The following SERGEF variants were observed in gnomAD, a reference collection of about 807,000 sequenced individuals.
SERGEF encodes secretion-regulating guanine nucleotide exchange factor.
Under a neutral mutation model 50.0 loss-of-function variants are expected in SERGEF, and 51 were observed. That is an observed-to-expected ratio of 1.02 (90% confidence interval 0.81 to 1.29). The LOEUF (loss-of-function observed/expected upper bound fraction) is 1.29. SERGEF is among the 50% of genes most tolerant of loss of function. The pLI is 0.00. For missense variants in SERGEF, 521 were observed against 557.0 expected (o/e 0.94, Z 0.65); for synonymous variants, 205 against 212.4 (o/e 0.97, Z 0.30).
At chr11:17,967,792 C>T (rs185644348) in intron 8 of SERGEF, among the ~76,000 whole-genome samples, 26 of 152,328 alleles carry the variant, frequency 1.7e-4, no homozygotes, top group Non-Finnish European at 2.8e-4. Context: ...AAAGCATATT[C>T]ATATTCCTCC....
intron 1 of SERGEF, chr11:18,012,374 C>T (rs895409283): frequency 1.4e-5 from 7 of 502,696 alleles, no homozygotes; most frequent in Non-Finnish European, 1.8e-5. Flanking sequence ...GACCCTGTCT[C>T]TCCCAATGCT....
chr11:17,904,742 T>C (rs1851807600), intron 9 of SERGEF, among the ~76,000 whole-genome samples: 1 of 152,304 alleles, frequency 6.6e-6, no homozygotes, highest in East Asian at 1.9e-4. Flanking sequence ...CAAACAGATA[T>C]AACCTTCCAA....
intron 9 of SERGEF, among the ~76,000 whole-genome samples, chr11:17,924,664 T>G (rs1852217944): frequency 9.5e-6 from 1 of 105,510 alleles, no homozygotes; most frequent in Non-Finnish European, 1.8e-5. Context: ...GGGGGTGATT[T>G]GGGTTGAGAA....
At chr11:17,917,969 G>C (rs1299997494) in intron 9 of SERGEF, among the ~76,000 whole-genome samples, 1 of 152,182 alleles carries the variant, frequency 6.6e-6, no homozygotes, top group Non-Finnish European at 1.5e-5. Context: ...GTACTTACTA[G>C]GCACTGTCCT....
intron 9 of SERGEF, among the ~76,000 whole-genome samples, chr11:17,883,493 C>T (rs549485649): frequency 6.6e-6 from 1 of 152,316 alleles, no homozygotes; most frequent in South Asian, 2.1e-4. Context: ...TAGACTTACA[C>T]AAAACCTAAG....
At chr11:17,816,854 G>T (rs1221706186) in intron 10 of SERGEF, among the ~76,000 whole-genome samples, 1 of 152,146 alleles carries the variant, frequency 6.6e-6, no homozygotes, top group African/African-American at 2.4e-5. Context: ...CAGGTAATGG[G>T]GCTGGAATGT....
intron 9 of SERGEF, among the ~76,000 whole-genome samples, chr11:17,924,770 C>T (rs2133942327): frequency 6.6e-6 from 1 of 152,266 alleles, no homozygotes; most frequent in Middle Eastern, 3.4e-3. Flanking sequence ...TTGCAACTGG[C>T]CCTTGGCATT....
At chr11:17,809,829 G>A (rs1849834991) in intron 10 of SERGEF, among the ~76,000 whole-genome samples, 1 of 152,194 alleles carries the variant, frequency 6.6e-6, no homozygotes, top group African/African-American at 2.4e-5. Context: ...TTGATTCACA[G>A]TCCTGGTAGA....
At chr11:17,980,759 TTTTA>T (rs1250341564) in intron 8 of SERGEF, among the ~76,000 whole-genome samples, 3 of 152,226 alleles carry the variant, frequency 2.0e-5, no homozygotes, top group Non-Finnish European at 2.9e-5. Context: ...CTCTCTTCAA[TTTTA>T]TTTGTTTCCA....
At chr11:18,008,720 C>A (rs564833372) in intron 1 of SERGEF, among the ~76,000 whole-genome samples, 2 of 151,656 alleles carry the variant, frequency 1.3e-5, no homozygotes, top group African/African-American at 4.8e-5. Flanking sequence ...TTCTGGGCTA[C>A]GAGTCGTTGG....
intron 10 of SERGEF, among the ~76,000 whole-genome samples, chr11:17,874,604 C>T (rs907459742): frequency 2.6e-5 from 4 of 152,178 alleles, no homozygotes; most frequent in Non-Finnish European, 5.9e-5. Flanking sequence ...GTAAAATTTC[C>T]ATCTTCTCAA....
chr11:17,848,663 A>G (rs1850658761), intron 10 of SERGEF, among the ~76,000 whole-genome samples: 1 of 152,222 alleles, frequency 6.6e-6, no homozygotes, highest in Non-Finnish European at 1.5e-5. Flanking sequence ...TTTATCCATT[A>G]CCAAATGTTA....
At chr11:17,909,955 G>A (rs1851918023) in intron 9 of SERGEF, among the ~76,000 whole-genome samples, 2 of 152,138 alleles carry the variant, frequency 1.3e-5, no homozygotes, top group Non-Finnish European at 2.9e-5. Flanking sequence ...TGAGCCAGAT[G>A]CTTCACATTT....
At chr11:17,799,301 A>G (rs11024405) in intron 10 of SERGEF, among the ~76,000 whole-genome samples, 32,247 of 151,986 alleles carry the variant, frequency 0.21, 3,758 homozygotes, top group African/African-American at 0.28. Context: ...GGCCAAGTCC[A>G]CTTCCCCTTG....
chr11:17,994,475 C>CAAAA (rs58280362), intron 6 of SERGEF, among the ~76,000 whole-genome samples: 26 of 63,638 alleles, frequency 4.1e-4, no homozygotes, highest in East Asian at 2.1e-3. Context: ...GACTCTGTCT[C>CAAAA]AAAAAAAAAA....
At chr11:17,863,459 T>A (rs1330762065) in intron 10 of SERGEF, 1 of 152,216 alleles carries the variant, frequency 6.6e-6, no homozygotes, top group African/African-American at 2.4e-5. Context: ...TAGAGCCTTC[T>A]TTCCCTTTGC....
intron 3 of SERGEF, among the ~76,000 whole-genome samples, chr11:18,006,054 G>A (rs1263132446): frequency 6.6e-6 from 1 of 152,210 alleles, no homozygotes; most frequent in Non-Finnish European, 1.5e-5. Flanking sequence ...TCTGACAAAA[G>A]TTTTCCACCC....
chr11:17,926,875 T>C (rs1321361221), intron 9 of SERGEF: 1 of 456,028 alleles, frequency 2.2e-6, no homozygotes, highest in Admixed American at 2.3e-5. Flanking sequence ...ACAACAAATA[T>C]TTATAGAATG....
In SERGEF at chr11:17,996,048, C is replaced by T. The variant is rs140145343; in HGVS notation, c.509-139G>A. On this transcript the variant is annotated intron_variant, in intron 5 of 10. Coordinates refer to ENST00000265965, the MANE Select transcript of SERGEF (RefSeq NM_012139.4). ...GTGTTATGGAGAAGCTCAATTGCTT[C>T]AAGAGGTCCTGTAACTGGCCCAGGG... is the stretch of plus-strand genomic sequence containing the variant. 1.6e-3 allele frequency: 1,047 copies of T among 661,340 alleles called. 11 individuals are homozygous for T. In the African/African-American group the frequency reaches 0.016, roughly 10 times the overall value. 41.0% of individuals were successfully genotyped at this position (661,340 alleles called of 1,614,324 possible).
Sources: gnomAD v4.1 joint callset for allele counts (sites outside exome capture counted in the v4.1 genomes callset) on GRCh38, gnomAD v4.1.1 for gene constraint, MANE v1.5 for transcripts, NCBI Gene and HGNC (gene_info 2026-07-23, HGNC 2026-07-21) for gene names.